Variants in PTPRR observed in about 807,000 individuals in gnomAD.
The protein encoded by PTPRR is receptor-type tyrosine-protein phosphatase R.
PTPRR carries 38 observed loss-of-function variants against 77.2 expected under a neutral mutation model. The ratio of observed to expected loss-of-function variants is 0.49; its 90% CI spans 0.38 to 0.65. The LOEUF (loss-of-function observed/expected upper bound fraction) is 0.65. Among genes scored for constraint, PTPRR ranks in the 30% least tolerant of loss-of-function variants. The pLI is 0.00. For missense variants in PTPRR, 744 were observed against 799.2 expected, an observed-to-expected ratio of 0.93 and a Z score of 0.83; for synonymous variants, 299 against 283.1, an observed-to-expected ratio of 1.06 and a Z score of -0.57.
intron 2 of PTPRR, among the ~76,000 whole-genome samples, chr12:70,832,006 G>T (rs1592782863): frequency 6.6e-6 from 1 of 152,134 alleles, no homozygotes; most frequent in Admixed American, 6.5e-5. Flanking sequence ...TCTCTTTCAG[G>T]GTCTAAATAG....
In PTPRR at chr12:70,890,152, T is replaced by C. The variant is rs76782804; in HGVS notation, c.357+2527A>G. Among the ~76,000 whole-genome samples, 778 of 152,310 alleles carry C rather than the reference T, an allele frequency of 5.1e-3. 6 individuals carry two copies. Among genetic ancestry groups the C allele is most frequent in the African/African-American group, 0.018 (745 of 41,572 alleles). On this transcript the variant is annotated intron_variant, in intron 2 of 13. Coordinates refer to ENST00000283228, the MANE Select transcript of PTPRR (RefSeq NM_002849.4). Reference sequence around the variant, plus strand: ...ACTTTCATCTAAAGCGGTATTTTTTTCCTCTTACCATAGTACTGACCTTGA... The same window carrying C: ...ACTTTCATCTAAAGCGGTATTTTTTCCCTCTTACCATAGTACTGACCTTGA...
rs1263716931 is a variant in PTPRR at position 70,771,605 on chromosome 12, A to G, written c.358-6827T>C. 2.0e-5 allele frequency among the ~76,000 whole-genome samples: 3 copies of G among 152,318 alleles called. No homozygotes were observed. The South Asian group carries it at 6.2e-4, about 32-fold the overall frequency. On this transcript the variant is annotated intron_variant, in intron 2 of 13. Coordinates refer to ENST00000283228, the MANE Select transcript of PTPRR (RefSeq NM_002849.4). ...ATAATAAAGCAATTTGTCTAGTTAT[A>G]ATAAAAAGCACAAATTAATGGTCAA...
At chr12:70,671,259 A>G (rs1026127754) in intron 10 of PTPRR, among the ~76,000 whole-genome samples, 4 of 152,174 alleles carry the variant, frequency 2.6e-5, no homozygotes, top group African/African-American at 9.6e-5. Context: ...CCTGTATTGT[A>G]TTATATTTAC....
intron 2 of PTPRR, among the ~76,000 whole-genome samples, chr12:70,769,702 G>T (rs1890921170): frequency 6.6e-6 from 1 of 151,896 alleles, no homozygotes; most frequent in Non-Finnish European, 1.5e-5. Context: ...GCATCACCAA[G>T]TCAATCCTAA....
chr12:70,820,865 G>T (rs935889120), intron 2 of PTPRR, among the ~76,000 whole-genome samples: 18 of 152,110 alleles, frequency 1.2e-4, no homozygotes, highest in Non-Finnish European at 1.9e-4. Context: ...TCTCCTCTTA[G>T]TAATTTACTA....
At chr12:70,865,986 T>C (rs891542393) in intron 2 of PTPRR, among the ~76,000 whole-genome samples, 2 of 151,778 alleles carry the variant, frequency 1.3e-5, no homozygotes, top group Non-Finnish European at 2.9e-5. Flanking sequence ...TTGAAACCAA[T>C]GAGAACAAAG....
At chr12:70,891,403 T>C (rs966202843) in intron 2 of PTPRR, among the ~76,000 whole-genome samples, 12 of 152,090 alleles carry the variant, frequency 7.9e-5, no homozygotes, top group African/African-American at 2.2e-4. Context: ...TACAGAGACA[T>C]CATTAACATC....
chr12:70,828,567 A>C (rs1892156610), intron 2 of PTPRR, among the ~76,000 whole-genome samples: 1 of 152,192 alleles, frequency 6.6e-6, no homozygotes, highest in Admixed American at 6.5e-5. Context: ...CAGAGAGGTT[A>C]CTCAGCTGGC....
chr12:70,800,961 T>C (rs1891605082), intron 2 of PTPRR, among the ~76,000 whole-genome samples: 1 of 152,056 alleles, frequency 6.6e-6, no homozygotes, highest in Non-Finnish European at 1.5e-5. Flanking sequence ...GTCATGCACC[T>C]TCTCCCCACA....
At chr12:70,710,628 TG>T (rs1269811469) in intron 6 of PTPRR, among the ~76,000 whole-genome samples, 7 of 151,948 alleles carry the variant, frequency 4.6e-5, no homozygotes, top group African/African-American at 1.5e-4. Context: ...ACCTACAGAA[TG>T]GGGGAAAATT....
chr12:70,839,985 G>C (rs1892368765), intron 2 of PTPRR, among the ~76,000 whole-genome samples: 1 of 152,146 alleles, frequency 6.6e-6, no homozygotes, highest in African/African-American at 2.4e-5. Flanking sequence ...TTAAGTAACT[G>C]TCTGCCGCTG....
chr12:70,836,356 T>G (rs1249755085), intron 2 of PTPRR, among the ~76,000 whole-genome samples: 2 of 151,570 alleles, frequency 1.3e-5, no homozygotes, highest in Non-Finnish European at 2.9e-5. Flanking sequence ...TCTGCCTGCC[T>G]GGAAACGCCC....
intron 2 of PTPRR, among the ~76,000 whole-genome samples, chr12:70,851,370 G>A (rs1892569408): frequency 6.6e-6 from 1 of 152,132 alleles, no homozygotes; most frequent in Non-Finnish European, 1.5e-5. Context: ...ACCAAGAGAT[G>A]GGAAAAGTGT....
intron 2 of PTPRR, among the ~76,000 whole-genome samples, chr12:70,783,934 G>A (rs1388038559): frequency 6.6e-6 from 1 of 151,710 alleles, no homozygotes; most frequent in East Asian, 1.9e-4. Context: ...AGCTGGGGCT[G>A]TGACAGAACC....
At chr12:70,662,065 C>G (rs1180961413) in intron 11 of PTPRR, among the ~76,000 whole-genome samples, 1 of 152,184 alleles carries the variant, frequency 6.6e-6, no homozygotes, top group Non-Finnish European at 1.5e-5. Context: ...CTCATCAACA[C>G]TTCAGGCTTG....
intron 2 of PTPRR, among the ~76,000 whole-genome samples, chr12:70,838,886 A>G (rs1288320399): frequency 1.3e-5 from 2 of 152,100 alleles, no homozygotes; most frequent in Admixed American, 1.3e-4. Flanking sequence ...TTAATCCTCT[A>G]TTTTTTGTTA....
chr12:70,714,653 T>A (rs1201274263), intron 6 of PTPRR, among the ~76,000 whole-genome samples: 1 of 152,236 alleles, frequency 6.6e-6, no homozygotes, highest in Admixed American at 6.5e-5. Flanking sequence ...TGTATATTTG[T>A]TTATTCATGC....
chr12:70,639,103 G>A lies in PTPRR; in HGVS notation c.*81C>T. 8.3e-7 allele frequency: 1 copy of A among 1,206,230 alleles called. No homozygotes were observed. Among genetic ancestry groups the A allele is most frequent in the Non-Finnish European group, 1.2e-6 (1 of 834,832 alleles). 74.7% of individuals were successfully genotyped at this position (1,206,230 alleles called of 1,614,324 possible). A position where few individuals can be genotyped will look rare whatever the true frequency, so the allele number is the denominator to read the frequency against. ...AGAGCTTCTCCTTCCTTCCATTGCAGGAAGCTCCTTCTAGAAGCCTTGGGT... is the reference window on the plus strand; with the variant it reads ...AGAGCTTCTCCTTCCTTCCATTGCAAGAAGCTCCTTCTAGAAGCCTTGGGT... On this transcript the variant is annotated 3_prime_UTR_variant, in exon 14 of 14. Transcript: ENST00000283228.
At chr12:70,905,270 AAG>A (rs1893604085) in intron 1 of PTPRR, among the ~76,000 whole-genome samples, 1 of 151,990 alleles carries the variant, frequency 6.6e-6, no homozygotes, top group Admixed American at 6.6e-5. Flanking sequence ...GTCATCTCAT[AAG>A]AGAGTGAGGA....
Sources: gnomAD v4.1 joint callset for allele counts (sites outside exome capture counted in the v4.1 genomes callset) on GRCh38, gnomAD v4.1.1 for gene constraint, MANE v1.5 for transcripts, NCBI Gene and HGNC (gene_info 2026-07-23, HGNC 2026-07-21) for gene names.